The following AKAP8L variants were observed in gnomAD, a reference collection of about 807,000 sequenced individuals.
AKAP8L encodes A-kinase anchor protein 8-like.
AKAP8L carries 34 observed loss-of-function variants against 77.5 expected under a neutral mutation model. The observed-to-expected ratio is 0.44, with a 90% CI of 0.33 to 0.58. The LOEUF is 0.58. AKAP8L is among the 20% of genes least tolerant of loss of function. The probability of loss-of-function intolerance (pLI) is 0.02; values close to 1 mark genes in which losing one functional copy is unlikely to be tolerated. For missense variants in AKAP8L, 806 were observed against 887.6 expected (o/e 0.91, Z 1.17); for synonymous variants, 342 against 340.7 (o/e 1.00, Z -0.04).
At position 15,410,692 on chromosome 19, in the gene AKAP8L, T is replaced by C. The variant is rs561723766; in HGVS notation, c.14-98A>G. 83 of 927,700 alleles carry C rather than the reference T, an allele frequency of 8.9e-5. No homozygotes were observed. In the African/African-American group the frequency reaches 1.3e-3, roughly 15 times the overall value. The allele number at this position is 927,700 out of a possible 1,614,324, so 57.5% of individuals were successfully genotyped here. A position where few individuals can be genotyped will look rare whatever the true frequency, so the allele number is the denominator to read the frequency against. On this transcript the variant is annotated intron_variant, in intron 1 of 13. Transcript: ENST00000397410. Reference sequence around the variant, plus strand: ...TGGTATAGGATTGCCAGCAGGCCCTTCTCTCAACGAAAAGCCACCAAAACC... The same window carrying C: ...TGGTATAGGATTGCCAGCAGGCCCTCCTCTCAACGAAAAGCCACCAAAACC...
At chr19:15,410,679 G>A in intron 1 of AKAP8L, 85 bp from the exon 2 acceptor site, 1 of 1,067,448 alleles carries the variant, frequency 9.4e-7, no homozygotes, top group South Asian at 1.4e-5. Context: ...GTATAGGATT[G>A]CCAGCAGGCC....
intron 12 of AKAP8L, among the ~76,000 whole-genome samples, chr19:15,383,051 A>G (rs1378584910): frequency 6.6e-6 from 1 of 152,208 alleles, no homozygotes; most frequent in African/African-American, 2.4e-5. Flanking sequence ...GGCTCTAGAA[A>G]ACAAGTCTTC....
At chr19:15,411,467 A>G (rs1174483389) in intron 1 of AKAP8L, among the ~76,000 whole-genome samples, 1 of 151,552 alleles carries the variant, frequency 6.6e-6, no homozygotes, top group East Asian at 2.0e-4. Flanking sequence ...TCTCTACAAA[A>G]AAAAAAAAAA....
In AKAP8L at chr19:15,408,858, T is replaced by A. The variant is rs544480409; in HGVS notation, c.88+1662A>T. Among the ~76,000 whole-genome samples the A allele has an allele frequency of 4.4e-4, 65 of 147,336 alleles. No individual in the cohort carries two copies. The South Asian group carries it at 0.014, about 31-fold the overall frequency. On this transcript the variant is annotated intron_variant, in intron 2 of 13. Coordinates refer to ENST00000397410, the MANE Select transcript of AKAP8L (RefSeq NM_014371.4). The stretch of plus-strand genomic sequence containing the variant: ...CTGCACTCCAGCCTGGGGGACAGAG[T>A]GAGACTCTGTCTCAAAAAAAAAAAA...
Position 15,403,581 on chromosome 19 carries a change from C to T in AKAP8L, c.256G>A (p.Ala86Thr), listed in dbSNP as rs560801139. 3.3e-5 allele frequency: 54 copies of T among 1,613,968 alleles called. No individual in the cohort carries two copies. Among genetic ancestry groups the T allele is most frequent in the South Asian group, 3.2e-4 (29 of 91,076 alleles). The change falls in exon 4 of 14, where the codon GCC becomes ACC. Residue 86 changes from alanine to threonine, a missense_variant. Ala to Thr is a moderately conservative substitution (Grantham distance 58, BLOSUM62 0). Around this residue, in one of 2 missense-constraint regions of AKAP8L, gnomAD observed 580 missense variants for 694.1 expected, o/e 0.84. Coordinates refer to ENST00000397410, the MANE Select transcript of AKAP8L (RefSeq NM_014371.4). The surrounding 1 kb of genome is among the most constrained non-coding windows in gnomAD (Gnocchi z 4.3). The stretch of plus-strand genomic sequence containing the variant: ...CTGGATAAAACGGAATCGGCACTGG[C>T]GCTACCCGAGGCACTAGTGTTTGCA... ...TNANTSASGSASADSVLSRIN... is the reference protein window; with the variant it reads ...TNANTSASGSTSADSVLSRIN...
intron 1 of AKAP8L, among the ~76,000 whole-genome samples, chr19:15,414,954 A>C (rs1312140141): frequency 2.6e-5 from 4 of 152,142 alleles, no homozygotes; most frequent in African/African-American, 9.7e-5. Flanking sequence ...ACGCACCACC[A>C]GGCCCAGCTA....
At chr19:15,400,484 C>T (rs1457818716) in intron 7 of AKAP8L, 126 bp from the exon 8 acceptor site, 1 of 1,002,980 alleles carries the variant, frequency 1.0e-6, no homozygotes, top group South Asian at 1.6e-5. Flanking sequence ...GCAGGGCTAT[C>T]CTATAGGCAG....
At position 15,397,511 on chromosome 19, in the gene AKAP8L, TCTCCTCA is replaced by T; in HGVS notation, c.1405+2_1405+8del. The T allele has an allele frequency of 6.2e-7, 1 of 1,609,772 alleles. No homozygotes were observed. Among genetic ancestry groups the T allele is most frequent in the Non-Finnish European group, 8.5e-7 (1 of 1,177,428 alleles). ...TTGCCTGGTGGGAGTGGGCTGAAAATCTCCTCACCCTGGGTCAGATCCTGGTCTCTGT... is the reference window on the plus strand; with the variant it reads ...TTGCCTGGTGGGAGTGGGCTGAAAATCCCTGGGTCAGATCCTGGTCTCTGT... On this transcript the variant is annotated splice_donor_variant and splice_donor_5th_base_variant and intron_variant, in intron 11 of 13. Transcript: ENST00000397410. LOFTEE classifies it high-confidence loss of function. The surrounding 1 kb of genome is among the most constrained non-coding windows in gnomAD (Gnocchi z 4.7).
intron 12 of AKAP8L, among the ~76,000 whole-genome samples, chr19:15,392,963 GA>G (rs1216453673): frequency 5.1e-5 from 7 of 137,548 alleles, no homozygotes; most frequent in African/African-American, 1.9e-4. Flanking sequence ...ACCTTTGAAA[GA>G]AATTAATTCA....
chr19:15,400,260 G>A (rs1251285094), intron 8 of AKAP8L, 35 bp downstream of exon 8: 1 of 1,611,132 alleles, frequency 6.2e-7, no homozygotes, highest in Non-Finnish European at 8.5e-7. Flanking sequence ...CCCTGGAAGA[G>A]CCGCCCTAGC....
At chr19:15,386,334 C>G (rs1358530773) in intron 12 of AKAP8L, among the ~76,000 whole-genome samples, 3 of 152,162 alleles carry the variant, frequency 2.0e-5, no homozygotes, top group Admixed American at 1.3e-4. Context: ...AGGACAGACT[C>G]TAGCATAGCA....
At chr19:15,406,397 G>GAGAGAGAC in intron 2 of AKAP8L, among the ~76,000 whole-genome samples, 1 of 146,062 alleles carries the variant, frequency 6.8e-6, no homozygotes, top group Non-Finnish European at 1.5e-5. Context: ...GAGAGAGAGA[G>GAGAGAGAC]AGAGAGATCC....
intron 2 of AKAP8L, among the ~76,000 whole-genome samples, chr19:15,408,312 C>G (rs1189603233): frequency 6.6e-6 from 1 of 150,634 alleles, no homozygotes; most frequent in East Asian, 2.0e-4. Flanking sequence ...CACCTGTAAT[C>G]CTAGCACTTT....
In AKAP8L at chr19:15,401,232, C is replaced by G. The variant is rs759547740; in HGVS notation, c.734G>C (p.Gly245Ala). The change falls in exon 5 of 14, where the codon GGC (glycine) becomes GCC (alanine). Residue 245 changes from glycine (G) to alanine (A), a missense_variant. By Grantham distance (60) the Gly-to-Ala change is moderately conservative (BLOSUM62 0). Around this residue, in one of 2 missense-constraint regions of AKAP8L, gnomAD observed 580 missense variants for 694.1 expected, o/e 0.84. Coordinates refer to ENST00000397410, the MANE Select transcript of AKAP8L (RefSeq NM_014371.4). The surrounding 1 kb of genome is among the most constrained non-coding windows in gnomAD (Gnocchi z 6.2). ...GMRGGGAFPG[G>A]SRFGFGFGNG... ...GCCAAACCCGAAACCAAAGCGGGAG[C>G]CGCCCGGGAAGGCGCCCCCACCTCG... The G allele has an allele frequency of 3.1e-6, 5 of 1,613,312 alleles. No individual in the cohort carries two copies. The highest frequency in any genetic ancestry group is 3.4e-6 in the Non-Finnish European group (4 of 1,179,486).
chr19:15,413,869 T>C (rs1449662230), intron 1 of AKAP8L, among the ~76,000 whole-genome samples: 1 of 152,148 alleles, frequency 6.6e-6, no homozygotes, highest in Non-Finnish European at 1.5e-5. Context: ...TCTGTGTCTG[T>C]TCAGGCGAGA....
chr19:15,415,898 A>C (rs6512032), intron 1 of AKAP8L, among the ~76,000 whole-genome samples: 2,479 of 10,850 alleles, frequency 0.23, 48 homozygotes, highest in African/African-American at 0.47. Flanking sequence ...AAAAAAAAAC[A>C]AAAAAAAAAT....
rs749930022 is a variant in AKAP8L, at chr19:15,380,647, T to G, written c.1537-35A>C. On this transcript the variant is annotated intron_variant, in intron 12 of 13. Coordinates refer to ENST00000397410, the MANE Select transcript of AKAP8L (RefSeq NM_014371.4). ...GGGCAGAAGGAGCTGGAGAGGCTGC[T>G]CTGAGTGCCCTACAAGTTGCTGCCC... 4.1e-5 allele frequency: 65 copies of G among 1,603,468 alleles called. No homozygotes were observed. The Middle Eastern group carries it at 6.6e-4, about 16-fold the overall frequency.
intron 2 of AKAP8L, among the ~76,000 whole-genome samples, chr19:15,405,013 C>G (rs1599612669): frequency 6.6e-6 from 1 of 152,360 alleles, no homozygotes; most frequent in East Asian, 1.9e-4. Flanking sequence ...AACAAAAACT[C>G]TTGGGCTGGA....
At chr19:15,405,845 C>T (rs565277459) in intron 2 of AKAP8L, among the ~76,000 whole-genome samples, 1 of 152,024 alleles carries the variant, frequency 6.6e-6, no homozygotes, top group African/African-American at 2.4e-5. Context: ...TCACTTGAAC[C>T]TGGGAGGTGG....
Sources: gnomAD v4.1 joint callset for allele counts (sites outside exome capture counted in the v4.1 genomes callset) on GRCh38, gnomAD v4.1.1 for gene constraint, gnomAD v4.1.1 regional missense constraint, Gnocchi (gnomAD v3.1) non-coding constraint, MANE v1.5 for transcripts, NCBI Gene and HGNC (gene_info 2026-07-23, HGNC 2026-07-21) for gene names.